OLFM1: variants seen among roughly 807,000 people sequenced by gnomAD.
OLFM1 encodes the protein olfactomedin 1, also known as noelin.
OLFM1 carries 9 observed loss-of-function variants against 49.7 expected under a neutral mutation model. The ratio of observed to expected loss-of-function variants is 0.18; its 90% CI spans 0.11 to 0.32. The LOEUF (loss-of-function observed/expected upper bound fraction) is 0.32. OLFM1 is among the 10% of genes least tolerant of loss of function. OLFM1 has a pLI of 1.00. For missense variants in OLFM1, 369 were observed against 661.8 expected, an observed-to-expected ratio of 0.56 and a Z score of 4.85; for synonymous variants, 240 against 271.8, an observed-to-expected ratio of 0.88 and a Z score of 1.15.
upstream of OLFM1, chr9:135,086,840 C>G: frequency 2.5e-6 from 1 of 401,888 alleles, no homozygotes; most frequent in East Asian, 7.2e-5. Flanking sequence ...GTAAGGACAC[C>G]CCCCAACCCA....
chr9:135,090,360 G>T lies in OLFM1; in HGVS notation c.300+16G>T. On this transcript the variant is annotated intron_variant, in intron 2 of 5. Coordinates refer to ENST00000371793, the MANE Select transcript of OLFM1 (RefSeq NM_001282611.2). ...ACTGGAGAAGGTGAGTCTGCGCAGAGTGTGTGAGTTTGTATGTGTGTGTGT... is the reference window on the plus strand; with the variant it reads ...ACTGGAGAAGGTGAGTCTGCGCAGATTGTGTGAGTTTGTATGTGTGTGTGT... 1.3e-6 allele frequency: 2 copies of T among 1,593,646 alleles called. No homozygotes were observed. The highest frequency in any genetic ancestry group is 1.1e-5 in the South Asian group (1 of 89,798).
At chr9:135,076,919 C>T (rs757399145) in intron 1 of OLFM1, 19 of 1,550,532 alleles carry the variant, frequency 1.2e-5, no homozygotes, top group South Asian at 7.1e-5. Context: ...TGGAAGCCCA[C>T]GCTGGCTCCC....
At chr9:135,116,893 T>A (rs1467144723) in intron 5 of OLFM1, among the ~76,000 whole-genome samples, 1 of 150,512 alleles carries the variant, frequency 6.6e-6, no homozygotes, top group Non-Finnish European at 1.5e-5. Flanking sequence ...AAAAAAAAGA[T>A]CTCATTAAAA....
chr9:135,082,911 G>A (rs13283101), upstream of OLFM1, among the ~76,000 whole-genome samples: 31,699 of 152,112 alleles, frequency 0.21, 4,101 homozygotes, highest in African/African-American at 0.37. Context: ...TGCAGAGGCC[G>A]GGTGTCGTCT....
chr9:135,084,322 TTCTC>T (rs537683074), upstream of OLFM1, among the ~76,000 whole-genome samples: 575 of 148,412 alleles, frequency 3.9e-3, 7 homozygotes, highest in Middle Eastern at 0.014. The surrounding 1 kb of genome is among the most constrained non-coding windows in gnomAD (Gnocchi z 4.6). Flanking sequence ...TCTCTCTCTC[TTCTC>T]TCTCTGTCTC....
chr9:135,075,943 G>GGGGGCCAGGGCGCTAGGC, intron 1 of OLFM1: 1 of 1,414,568 alleles, frequency 7.1e-7, no homozygotes, highest in South Asian at 1.6e-5. Context: ...GGGTTGGGGA[G>GGGGGCCAGGGCGCTAGGC]GGGGCCAGGG....
chr9:135,084,676 C>A (rs1830575890), upstream of OLFM1, among the ~76,000 whole-genome samples: 1 of 151,928 alleles, frequency 6.6e-6, no homozygotes, highest in African/African-American at 2.4e-5. This position sits in a 1 kb window ranked among gnomAD's most constrained non-coding sequence, Gnocchi z 4.6. Context: ...TTGCCAATAG[C>A]CTGAGGAGAG....
Position 135,106,919 on chromosome 9 carries a change from C to T in OLFM1, c.783+64C>T, listed in dbSNP as rs532840093. 85 of 1,315,456 alleles carry T rather than the reference C, an allele frequency of 6.5e-5. No individual in the cohort carries two copies. The South Asian group carries it at 1.1e-3, about 16-fold the overall frequency. 81.5% of individuals were successfully genotyped at this position (1,315,456 alleles called of 1,614,324 possible). ...AGGGCGCTCTCGGACACCTGGTGGG[C>T]CCCAGACATGGGTACAAGCCACGCC... On this transcript the variant is annotated intron_variant, in intron 5 of 5. Coordinates refer to ENST00000371793, the MANE Select transcript of OLFM1 (RefSeq NM_001282611.2).
At chr9:135,087,461 G>A, upstream of OLFM1, 7 of 1,533,464 alleles carry the variant, frequency 4.6e-6, no homozygotes, top group South Asian at 1.2e-5. Context: ...TGATCTGGGG[G>A]TGGTGGTGTG....
chr9:135,093,335 G>C (rs1278952416), intron 2 of OLFM1, among the ~76,000 whole-genome samples: 1 of 152,182 alleles, frequency 6.6e-6, no homozygotes, highest in Non-Finnish European at 1.5e-5. Flanking sequence ...GTAGGCTTTG[G>C]AGCCAGTCCA....
At chr9:135,103,035 G>A (rs1028498406) in intron 4 of OLFM1, among the ~76,000 whole-genome samples, 28 of 152,340 alleles carry the variant, frequency 1.8e-4, no homozygotes, top group East Asian at 1.9e-4. Context: ...CTTGCACAGC[G>A]CTCTGCCCTC....
In OLFM1 at chr9:135,088,653, C is replaced by A. The variant is rs1292813416; in HGVS notation, c.150+514C>A. 6.6e-6 allele frequency among the ~76,000 whole-genome samples: 1 copy of A among 152,114 alleles called. No homozygotes were observed. The highest frequency in any genetic ancestry group is 1.5e-5 in the Non-Finnish European group (1 of 67,998). On this transcript the variant is annotated intron_variant, in intron 1 of 5. Transcript: ENST00000371793. The surrounding 1 kb of genome is among the most constrained non-coding windows in gnomAD (Gnocchi z 4.8). ...TGGGAGTGGGGCCCCAGCCGGTGGGCTCCGGAGCTCCTGCCCGCGCCTGCA... is the reference window on the plus strand; with the variant it reads ...TGGGAGTGGGGCCCCAGCCGGTGGGATCCGGAGCTCCTGCCCGCGCCTGCA...
At chr9:135,116,511 G>C (rs1166257929) in intron 5 of OLFM1, among the ~76,000 whole-genome samples, 1 of 152,148 alleles carries the variant, frequency 6.6e-6, no homozygotes, top group African/African-American at 2.4e-5. Context: ...TCTGGACCCA[G>C]GGTACAGGGG....
upstream of OLFM1, chr9:135,087,456 T>C: frequency 6.5e-7 from 1 of 1,536,478 alleles, no homozygotes; most frequent in Non-Finnish European, 8.8e-7. Flanking sequence ...TTTTATGATC[T>C]GGGGGTGGTG....
rs1296462790 is a variant in OLFM1, at chr9:135,113,483, C to T, written c.784-6021C>T. Among the ~76,000 whole-genome samples the T allele has an allele frequency of 6.6e-6, 1 of 152,178 alleles. No homozygotes were observed. The highest frequency in any genetic ancestry group is 1.5e-5 in the Non-Finnish European group (1 of 68,030). On this transcript the variant is annotated intron_variant, in intron 5 of 5. Coordinates refer to ENST00000371793, the MANE Select transcript of OLFM1 (RefSeq NM_001282611.2). This position sits in a 1 kb window ranked among gnomAD's most constrained non-coding sequence, Gnocchi z 4.0. The stretch of plus-strand genomic sequence containing the variant: ...TGAACCACTACAGGTGGCAGGTCCT[C>T]ACAGGACCTATTTTACAGCAGAGGG...
chr9:135,110,605 G>A (rs1345630439), intron 5 of OLFM1, among the ~76,000 whole-genome samples: 6 of 152,070 alleles, frequency 3.9e-5, no homozygotes, highest in African/African-American at 1.4e-4. Flanking sequence ...GCAGTGATCC[G>A]CCCGCCGCCA....
chr9:135,095,154 A>T (rs1830770033), intron 2 of OLFM1: 1 of 152,202 alleles, frequency 6.6e-6, no homozygotes, highest in Admixed American at 6.5e-5. Context: ...ATCTGCCTGT[A>T]AAGATGTAAA....
At chr9:135,076,028 A>G in intron 1 of OLFM1, 1 of 1,448,074 alleles carries the variant, frequency 6.9e-7, no homozygotes, top group Non-Finnish European at 9.1e-7. Context: ...CCGGCTCAGC[A>G]GAGCTGACAG....
intron 5 of OLFM1, among the ~76,000 whole-genome samples, chr9:135,118,132 T>C (rs990745363): frequency 3.3e-5 from 5 of 152,224 alleles, no homozygotes; most frequent in Non-Finnish European, 7.3e-5. Context: ...AAATTCCAAG[T>C]CGGGGAACAG....
Sources: allele counts gnomAD v4.1 joint callset (sites outside exome capture counted in the v4.1 genomes callset), GRCh38; gene constraint gnomAD v4.1.1; non-coding constraint Gnocchi (gnomAD v3.1); transcripts MANE v1.5; gene names NCBI Gene and HGNC (gene_info 2026-07-23, HGNC 2026-07-21).